Variants in ABHD16A observed in about 807,000 individuals in gnomAD.
The protein encoded by ABHD16A is abhydrolase domain containing 16A, phospholipase.
ABHD16A carries 47 observed loss-of-function variants against 89.8 expected under a neutral mutation model. That is an observed-to-expected ratio of 0.52 (90% confidence interval 0.41 to 0.67). The LOEUF (loss-of-function observed/expected upper bound fraction) is 0.67. Ranked by LOEUF, ABHD16A falls within the 30% of genes least tolerant of loss-of-function variation. ABHD16A has a pLI of 0.00. For synonymous variants in ABHD16A, 251 were observed against 280.4 expected, an observed-to-expected ratio of 0.90 and a Z score of 1.05; for missense variants, 580 against 734.6, an observed-to-expected ratio of 0.79 and a Z score of 2.43.
rs781169687 is a variant in ABHD16A at position 31,701,295 on chromosome 6, A to C, written c.235T>G (p.Phe79Val). The change falls in exon 3 of 20, where the codon TTC becomes GTC. Residue 79 changes from phenylalanine (F) to valine (V), a missense_variant. By Grantham distance (50) the Phe-to-Val change is conservative. Around this residue, in one of 2 missense-constraint regions of ABHD16A, gnomAD observed 165 missense variants for 165.8 expected, o/e 1.00. Transcript: ENST00000395952. ...SISYYSSPFAFFYLYRKGYLS... is the reference protein window; with the variant it reads ...SISYYSSPFAVFYLYRKGYLS... Reference sequence around the variant, plus strand: ...TGACCTTTCCTGTACAAGTAGAAGAAGGCGAAGGGAGAGGAGTAATAAGAG... The same window carrying C: ...TGACCTTTCCTGTACAAGTAGAAGACGGCGAAGGGAGAGGAGTAATAAGAG... 1.4e-5 allele frequency: 22 copies of C among 1,613,460 alleles called. No homozygotes were observed. Among genetic ancestry groups the C allele is most frequent in the Middle Eastern group, 1.6e-4 (1 of 6,082 alleles).
chr6:31,702,076 G>C lies in ABHD16A; in HGVS notation c.187C>G (p.Leu63Val). Residue 63 changes from leucine (L) to valine (V), a missense_variant and splice_region_variant, in exon 2 of 20, where the codon CTG (leucine) becomes GTG (valine). Leu to Val is a conservative substitution (Grantham distance 32). This residue lies in a region of ABHD16A where 165 missense variants were observed against 165.8 expected (regional missense o/e 1.00). Coordinates refer to ENST00000395952, the MANE Select transcript of ABHD16A (RefSeq NM_021160.3). ...LEKHADSILA[L>V]ASVFWSISYY... ...CCCAGATGCCAGGGTAGACATACCA[G>C]TGCCAGGATGCTGTCAGCATGTTTC... is the stretch of plus-strand genomic sequence containing the variant. 1 of 1,613,100 alleles carries C rather than the reference G, an allele frequency of 6.2e-7. No homozygotes were observed. The highest frequency in any genetic ancestry group is 8.5e-7 in the Non-Finnish European group (1 of 1,180,034).
intron 5 of ABHD16A, 44 bp downstream of exon 5, chr6:31,696,904 C>G: frequency 1.3e-6 from 2 of 1,557,000 alleles, no homozygotes; most frequent in Non-Finnish European, 1.8e-6. Context: ...ACTGAGAAAG[C>G]TGCTATTGGG....
At chr6:31,697,470 C>T (rs1369029456) in intron 4 of ABHD16A, among the ~76,000 whole-genome samples, 1 of 152,214 alleles carries the variant, frequency 6.6e-6, no homozygotes, top group Non-Finnish European at 1.5e-5. Flanking sequence ...AGCCCCTTGC[C>T]ATCTGGCTTC....
chr6:31,694,492 G>A (rs805279), intron 5 of ABHD16A, among the ~76,000 whole-genome samples: 12,779 of 147,506 alleles, frequency 0.087, 915 homozygotes, highest in African/African-American at 0.2. Context: ...CCGGCTTCAC[G>A]CCATTCTCCC....
At position 31,694,822 on chromosome 6, in the gene ABHD16A, T is replaced by C. The variant is rs115651779; in HGVS notation, c.430-1390A>G. Among the ~76,000 whole-genome samples, 521 of 152,130 alleles carry C rather than the reference T, an allele frequency of 3.4e-3. 3 individuals carry two copies. Among genetic ancestry groups the C allele is most frequent in the African/African-American group, 9.3e-3 (386 of 41,482 alleles). On this transcript the variant is annotated intron_variant, in intron 5 of 19. Transcript: ENST00000395952. Reference sequence around the variant, plus strand: ...AAATAATTTGACTAACAGAGAGCAATAGAAAAATTATACAAAAAGGTAAAT... The same window carrying C: ...AAATAATTTGACTAACAGAGAGCAACAGAAAAATTATACAAAAAGGTAAAT...
chr6:31,702,015 G>T, intron 2 of ABHD16A, 59 bp downstream of exon 2: 1 of 1,602,254 alleles, frequency 6.2e-7, no homozygotes, highest in Non-Finnish European at 8.5e-7. Context: ...GGAGGGCTAA[G>T]TTCAAGAGGA....
intron 9 of ABHD16A, among the ~76,000 whole-genome samples, chr6:31,691,266 T>C (rs1037676351): frequency 2.0e-5 from 3 of 152,222 alleles, no homozygotes; most frequent in Non-Finnish European, 4.4e-5. Flanking sequence ...AAGCAGTACC[T>C]ATCTCACGGG....
intron 3 of ABHD16A, 104 bp from the exon 4 acceptor site, chr6:31,701,132 C>T: frequency 7.5e-7 from 1 of 1,327,634 alleles, no homozygotes; most frequent in Non-Finnish European, 1.1e-6. Context: ...TTTGGAACAG[C>T]CATACCCTAA....
chr6:31,701,229 C>A (rs1270219737), intron 3 of ABHD16A, 45 bp downstream of exon 3: 1 of 1,573,144 alleles, frequency 6.4e-7, no homozygotes, highest in Admixed American at 1.7e-5. Context: ...CATCTGCCAA[C>A]AACCTGCCCA....
intron 2 of ABHD16A, 123 bp from the exon 3 acceptor site, chr6:31,701,463 G>A (rs1050529145): frequency 6.7e-5 from 53 of 791,950 alleles, no homozygotes; most frequent in Non-Finnish European, 1.1e-4. Context: ...CATATTTGGT[G>A]TATGACACCA....
intron 5 of ABHD16A, among the ~76,000 whole-genome samples, chr6:31,696,371 G>C (rs1247555247): frequency 6.6e-6 from 1 of 151,196 alleles, no homozygotes; most frequent in East Asian, 2.0e-4. Context: ...GGTGGCTCAC[G>C]CCTGTAATCC....
chr6:31,691,032 GA>G (rs1264122694), intron 9 of ABHD16A, among the ~76,000 whole-genome samples: 2 of 152,108 alleles, frequency 1.3e-5, no homozygotes, highest in African/African-American at 4.8e-5. Context: ...TGAAACCCAC[GA>G]ATGGTGGGAT....
chr6:31,690,589 T>A lies in ABHD16A; in HGVS notation c.857A>T (p.Glu286Val). 6.2e-7 allele frequency: 1 copy of A among 1,612,824 alleles called. No individual in the cohort carries two copies. The highest frequency in any genetic ancestry group is 8.5e-7 in the Non-Finnish European group (1 of 1,179,964). ...PQGQKLVICC[E>V]GNAGFYEVGC... ...CACCTCATAAAACCCAGCATTCCCCTCACAGCAGATCACCTAGGAAGGAGG... is the reference window on the plus strand; with the variant it reads ...CACCTCATAAAACCCAGCATTCCCCACACAGCAGATCACCTAGGAAGGAGG... The change falls in exon 10 of 20, where the codon GAG (glutamate) becomes GTG (valine). Residue 286 changes from glutamate (E) to valine (V), a missense_variant. Around this residue, in one of 2 missense-constraint regions of ABHD16A, gnomAD observed 415 missense variants for 568.8 expected, o/e 0.73. Transcript: ENST00000395952. The surrounding 1 kb of genome is among the most constrained non-coding windows in gnomAD (Gnocchi z 4.1).
Position 31,689,565 on chromosome 6 carries a change from G to A in ABHD16A, c.1081+16C>T. ...ATGAATGTGTCTACAGTGGGGGATG[G>A]GAGGGAGGCTGGTACCAGTGAAGCC... On this transcript the variant is annotated intron_variant, in intron 12 of 19. Coordinates refer to ENST00000395952, the MANE Select transcript of ABHD16A (RefSeq NM_021160.3). 1.3e-6 allele frequency: 2 copies of A among 1,572,644 alleles called. No homozygotes were observed. Among genetic ancestry groups the A allele is most frequent in the South Asian group, 2.3e-5 (2 of 85,750 alleles).
chr6:31,687,924 G>A lies in ABHD16A; in HGVS notation c.1371-24C>T. On this transcript the variant is annotated intron_variant, in intron 16 of 19. Coordinates refer to ENST00000395952, the MANE Select transcript of ABHD16A (RefSeq NM_021160.3). The surrounding 1 kb of genome is among the most constrained non-coding windows in gnomAD (Gnocchi z 6.3). ...ACCTACGGAGGAAGTGCCAGGACAGGTCAGGGCTGATTTTTTTTCATTCAC... is the reference window on the plus strand; with the variant it reads ...ACCTACGGAGGAAGTGCCAGGACAGATCAGGGCTGATTTTTTTTCATTCAC... 6.2e-7 allele frequency: 1 copy of A among 1,612,640 alleles called. No individual in the cohort carries two copies. Among genetic ancestry groups the A allele is most frequent in the South Asian group, 1.1e-5 (1 of 91,066 alleles).
Position 31,688,068 on chromosome 6 carries a change from T to C in ABHD16A, c.1343A>G (p.Asp448Gly). ...ATGCTGCAGGAGCTTCAGCAGGAGG[T>C]CATTGCCTCGGTTGGACATGATGTC... The part of the protein sequence containing the change: ...PEDIMSNRGN[D>G]LLLKLLQHRY... The change falls in exon 16 of 20, where the codon GAC (aspartate) becomes GGC (glycine). Residue 448 changes from aspartate (D) to glycine (G), a missense_variant. Physicochemically the swap from Asp to Gly is moderately conservative, Grantham distance 94. Around this residue, in one of 2 missense-constraint regions of ABHD16A, gnomAD observed 415 missense variants for 568.8 expected, o/e 0.73. Transcript: ENST00000395952. This position sits in a 1 kb window ranked among gnomAD's most constrained non-coding sequence, Gnocchi z 4.9. 6.2e-7 allele frequency: 1 copy of C among 1,612,586 alleles called. No individual in the cohort carries two copies. The highest frequency in any genetic ancestry group is 1.1e-5 in the South Asian group (1 of 90,952).
In ABHD16A at chr6:31,693,253, A is replaced by T. The variant is rs2151236249; in HGVS notation, c.504-104T>A. The stretch of plus-strand genomic sequence containing the variant: ...TCTAGGAACGACATAATGGCATTGG[A>T]AGGCAGGCACTGTGACCTGAGAGGG... On this transcript the variant is annotated intron_variant, in intron 6 of 19. Transcript: ENST00000395952. This position sits in a 1 kb window ranked among gnomAD's most constrained non-coding sequence, Gnocchi z 5.0. The T allele has an allele frequency of 6.3e-7, 1 of 1,586,858 alleles. No homozygotes were observed. Among genetic ancestry groups the T allele is most frequent in the East Asian group, 2.3e-5 (1 of 44,418 alleles).
intron 11 of ABHD16A, among the ~76,000 whole-genome samples, 168 bp downstream of exon 11, chr6:31,689,910 G>T (rs1359764085): frequency 6.6e-6 from 1 of 152,204 alleles, no homozygotes; most frequent in Non-Finnish European, 1.5e-5. Context: ...CGCACTGTGG[G>T]GATGGGGGCA....
Position 31,687,843 on chromosome 6 carries a change from G to C in ABHD16A, c.1428C>G (p.Ala476=), listed in dbSNP as rs756742841. The part of the protein sequence containing the change: ...GLRVVRQWLE[A]SSQLEEASIY... ...TCTCACCTTCCTCCAGCTGTGAGGA[G>C]GCCTCCAACCACTGCCTCACCACTC... Residue 476 remains alanine, a synonymous_variant, in exon 17 of 20, where the codon GCC becomes GCG. Coordinates refer to ENST00000395952, the MANE Select transcript of ABHD16A (RefSeq NM_021160.3). The surrounding 1 kb of genome is among the most constrained non-coding windows in gnomAD (Gnocchi z 6.3). 3 of 1,612,940 alleles carry C rather than the reference G, an allele frequency of 1.9e-6. No individual in the cohort carries two copies. The highest frequency in any genetic ancestry group is 1.7e-5 in the Admixed American group (1 of 60,016).
Sources: allele counts gnomAD v4.1 joint callset (sites outside exome capture counted in the v4.1 genomes callset), GRCh38; gene constraint gnomAD v4.1.1; regional missense constraint gnomAD v4.1.1; non-coding constraint Gnocchi (gnomAD v3.1); transcripts MANE v1.5; gene names NCBI Gene and HGNC (gene_info 2026-07-23, HGNC 2026-07-21).